The following GABRB2 variants were observed in gnomAD, a reference collection of about 807,000 sequenced individuals.
GABRB2 encodes gamma-aminobutyric acid type A receptor subunit beta2, also known as gamma-aminobutyric acid receptor subunit beta-2.
A neutral mutation model predicts 54.7 loss-of-function variants in GABRB2; 16 were observed. The ratio of observed to expected loss-of-function variants is 0.29; its 90% confidence interval spans 0.20 to 0.44. The LOEUF (loss-of-function observed/expected upper bound fraction) is 0.44. Ranked by LOEUF, GABRB2 falls within the 20% of genes least tolerant of loss-of-function variation. The probability of loss-of-function intolerance (pLI) is 1.00; values close to 1 mark genes in which losing one functional copy is unlikely to be tolerated. For missense variants in GABRB2, 355 were observed against 644.0 expected (o/e 0.55, Z 4.86); for synonymous variants, 244 against 233.8 (o/e 1.04, Z -0.40).
chr5:161,323,676 T>G (rs1457002953), intron 9 of GABRB2, among the ~76,000 whole-genome samples: 1 of 152,046 alleles, frequency 6.6e-6, no homozygotes, highest in Non-Finnish European at 1.5e-5. Context: ...CATGGGATTT[T>G]GGAGTCTACT....
At chr5:161,440,080 C>CAAAAAAAAAAAAAAAAA (rs1757424602) in intron 4 of GABRB2, among the ~76,000 whole-genome samples, 2 of 90,700 alleles carry the variant, frequency 2.2e-5, no homozygotes, top group Non-Finnish European at 4.7e-5. Context: ...AAAAAAAAAA[C>CAAAAAAAAAAAAAAAAA]AAAACACATA....
At chr5:161,320,893 C>T (rs1384237070) in intron 9 of GABRB2, among the ~76,000 whole-genome samples, 3 of 151,986 alleles carry the variant, frequency 2.0e-5, no homozygotes, top group Non-Finnish European at 4.4e-5. Flanking sequence ...GATTTAGCTA[C>T]ATCATCTGTA....
intron 3 of GABRB2, among the ~76,000 whole-genome samples, chr5:161,483,653 T>C (rs2964772): frequency 0.9 from 136,256 of 151,956 alleles, 62,307 homozygotes; most frequent in South Asian, 0.99. Flanking sequence ...AAAATTTTAA[T>C]GTGGTATGGG....
chr5:161,422,812 A>C (rs933282680), intron 4 of GABRB2, among the ~76,000 whole-genome samples: 17 of 152,194 alleles, frequency 1.1e-4, no homozygotes, highest in African/African-American at 4.1e-4. Flanking sequence ...CAGCATAACT[A>C]TATCAAATGT....
intron 9 of GABRB2, among the ~76,000 whole-genome samples, chr5:161,312,314 C>G (rs1342944598): frequency 2.0e-5 from 3 of 152,138 alleles, no homozygotes; most frequent in African/African-American, 7.2e-5. Context: ...CTCTTTCATT[C>G]TAACACCAAA....
At chr5:161,453,591 T>C (rs189538689) in intron 4 of GABRB2, among the ~76,000 whole-genome samples, 3 of 152,314 alleles carry the variant, frequency 2.0e-5, no homozygotes, top group Non-Finnish European at 2.9e-5. Flanking sequence ...CCTGCAGAAC[T>C]GTGAGAAATA....
At chr5:161,379,904 T>C (rs377324550) in intron 5 of GABRB2, among the ~76,000 whole-genome samples, 7 of 152,048 alleles carry the variant, frequency 4.6e-5, no homozygotes, top group African/African-American at 1.7e-4. Flanking sequence ...TGGTAAAATA[T>C]GGAGGAAAAT....
chr5:161,341,937 T>TTATATATATATATATATATATA (rs1237952955), intron 5 of GABRB2, among the ~76,000 whole-genome samples: 19 of 75,686 alleles, frequency 2.5e-4, no homozygotes, highest in South Asian at 5.7e-4. Flanking sequence ...ATTTTTTCTT[T>TTATATATATATATATATATATA]TATATATATA....
At position 161,450,223 on chromosome 5, in the gene GABRB2, C is replaced by T. The variant is rs572198601; in HGVS notation, c.458+9401G>A. Among the ~76,000 whole-genome samples the T allele has an allele frequency of 2.0e-5, 3 of 152,156 alleles. No individual in the cohort carries two copies. In the East Asian group the frequency reaches 5.8e-4, roughly 29 times the overall value. On this transcript the variant is annotated intron_variant, in intron 4 of 9. Coordinates refer to ENST00000393959, the MANE Select transcript of GABRB2 (RefSeq NM_001371727.1). ...AACTTTGGTTTCAGTGCTGCCACAG[C>T]GAACTTTCATTCCGTTGAAATCAAC...
chr5:161,532,274 G>A (rs115267298), intron 3 of GABRB2, among the ~76,000 whole-genome samples: 2,205 of 152,078 alleles, frequency 0.014, 57 homozygotes, highest in African/African-American at 0.049. Flanking sequence ...ATATGTATGC[G>A]TGTGTCTGTA....
chr5:161,344,574 G>C (rs1754263503), intron 5 of GABRB2, among the ~76,000 whole-genome samples: 1 of 151,984 alleles, frequency 6.6e-6, no homozygotes, highest in Non-Finnish European at 1.5e-5. Flanking sequence ...TGGAAAAATA[G>C]GGATGCTTTT....
chr5:161,456,740 T>C (rs1757965379), intron 4 of GABRB2, among the ~76,000 whole-genome samples: 1 of 152,186 alleles, frequency 6.6e-6, no homozygotes, highest in African/African-American at 2.4e-5. Flanking sequence ...CTAAGTCTCT[T>C]AATGAGTACT....
chr5:161,388,485 T>A (rs1403659067), intron 5 of GABRB2, among the ~76,000 whole-genome samples: 1 of 152,070 alleles, frequency 6.6e-6, no homozygotes, highest in Non-Finnish European at 1.5e-5. Flanking sequence ...GAACAAGTGT[T>A]GTCTTATAAA....
At chr5:161,508,639 T>C (rs1408981215) in intron 3 of GABRB2, among the ~76,000 whole-genome samples, 2 of 152,006 alleles carry the variant, frequency 1.3e-5, no homozygotes, top group Admixed American at 1.3e-4. Flanking sequence ...GAAAATAAAC[T>C]GTCCAGTTTT....
chr5:161,398,323 T>C (rs552081294), intron 5 of GABRB2, among the ~76,000 whole-genome samples: 52 of 152,308 alleles, frequency 3.4e-4, no homozygotes, highest in African/African-American at 1.2e-3. Flanking sequence ...GTAGACAAGA[T>C]AAAAGATAAC....
chr5:161,433,745 C>T (rs928893287), intron 4 of GABRB2, among the ~76,000 whole-genome samples: 3 of 152,106 alleles, frequency 2.0e-5, no homozygotes, highest in Non-Finnish European at 4.4e-5. Flanking sequence ...TTAAAATTGT[C>T]CCTAAAAATA....
In GABRB2 at chr5:161,294,442, G is replaced by A. The variant is rs760401949; in HGVS notation, c.1192-14C>T. On this transcript the variant is annotated splice_polypyrimidine_tract_variant and intron_variant, in intron 9 of 9. Transcript: ENST00000393959. ...ATGGGGGTCCATCTGCAAGGGAAGA[G>A]AATCAAAAAGACAATCAGAACAATG... The A allele has an allele frequency of 1.3e-6, 2 of 1,599,734 alleles. No homozygotes were observed. Among genetic ancestry groups the A allele is most frequent in the Non-Finnish European group, 1.7e-6 (2 of 1,169,682 alleles).
intron 3 of GABRB2, among the ~76,000 whole-genome samples, chr5:161,502,987 T>C (rs572802945): frequency 6.6e-6 from 1 of 152,286 alleles, no homozygotes; most frequent in East Asian, 1.9e-4. Context: ...GGTCATACAG[T>C]ATTTGCAGAC....
chr5:161,511,009 T>C (rs1372767341), intron 3 of GABRB2, among the ~76,000 whole-genome samples: 1 of 152,018 alleles, frequency 6.6e-6, no homozygotes, highest in Admixed American at 6.6e-5. Flanking sequence ...AACAGTATTT[T>C]GATTATTTGT....
Sources: gnomAD v4.1 joint callset for allele counts (sites outside exome capture counted in the v4.1 genomes callset) on GRCh38, gnomAD v4.1.1 for gene constraint, MANE v1.5 for transcripts, NCBI Gene and HGNC (gene_info 2026-07-23, HGNC 2026-07-21) for gene names.